Variants in CTNS observed in about 807,000 individuals in gnomAD.
CTNS encodes cystinosin, lysosomal cystine transporter.
A neutral mutation model predicts 43.7 loss-of-function variants in CTNS; 27 were observed. The ratio of observed to expected loss-of-function variants is 0.62; its 90% CI spans 0.46 to 0.85. CTNS has a LOEUF of 0.85. Among genes scored for constraint, CTNS ranks in the 40% least tolerant of loss-of-function variants. The pLI, the probability that CTNS is intolerant of heterozygous loss-of-function variation, is 0.00. For missense variants in CTNS, 457 were observed against 475.4 expected (o/e 0.96, Z 0.36); for synonymous variants, 187 against 190.6 (o/e 0.98, Z 0.16).
At chr17:3,657,871 T>G in intron 9 of CTNS, 134 bp from the exon 10 acceptor site, 5 of 940,764 alleles carry the variant, frequency 5.3e-6, no homozygotes, top group Non-Finnish European at 8.4e-6. Context: ...AGCCCCCACC[T>G]TGCAGGGGCT....
rs1368378943 is a variant in CTNS, at chr17:3,652,462, A to G, written c.226-2536A>G. 3.3e-5 allele frequency among the ~76,000 whole-genome samples: 5 copies of G among 151,894 alleles called. No homozygotes were observed. In the East Asian group the frequency reaches 7.7e-4, roughly 23 times the overall value. ...CAAAAATTAGCCAAGCGTGGTGGCA[A>G]GTACCTGTAATCCCAGCTACTTAGG... On this transcript the variant is annotated intron_variant, in intron 5 of 11. Coordinates refer to ENST00000046640, the MANE Select transcript of CTNS (RefSeq NM_004937.3).
chr17:3,658,061 C>G lies in CTNS; in HGVS notation c.738C>G (p.Leu246=), dbSNP rs2076197055. The G allele has an allele frequency of 1.9e-6, 3 of 1,612,162 alleles. No individual in the cohort carries two copies. The highest frequency in any genetic ancestry group is 2.2e-5 in the East Asian group (1 of 44,878). ...TCGGCTTCCTGGTGCTCGCGTGGCTCTTCGCATTTGTCACCATGATCGTGG... is the reference window on the plus strand; with the variant it reads ...TCGGCTTCCTGGTGCTCGCGTGGCTGTTCGCATTTGTCACCATGATCGTGG... The part of the protein sequence containing the change: ...PAIGFLVLAW[L]FAFVTMIVAA... Residue 246 remains leucine, a synonymous_variant, in exon 10 of 12, where the codon CTC becomes CTG. Transcript: ENST00000046640.
chr17:3,655,507 C>CGGCGGCGCAGG, intron 7 of CTNS, 155 bp downstream of exon 7: 1 of 1,154,260 alleles, frequency 8.7e-7, no homozygotes, highest in East Asian at 2.4e-5. Flanking sequence ...GCTCGGAGAG[C>CGGCGGCGCAGG]CTGGGTCGGA....
At chr17:3,655,428 C>T (rs554763287) in intron 7 of CTNS, 76 bp downstream of exon 7, 7 of 1,585,546 alleles carry the variant, frequency 4.4e-6, no homozygotes, top group East Asian at 2.2e-5. Context: ...CTGCCGATAG[C>T]GCAGCCTCCA....
At chr17:3,657,902 C>T in intron 9 of CTNS, 103 bp from the exon 10 acceptor site, 1 of 1,356,348 alleles carries the variant, frequency 7.4e-7, no homozygotes, top group Non-Finnish European at 1.0e-6. Flanking sequence ...CAGGGTCCAG[C>T]CTCCGTGCCC....
intron 5 of CTNS, among the ~76,000 whole-genome samples, chr17:3,652,940 CAAG>C (rs1225322035): frequency 6.6e-6 from 1 of 152,196 alleles, no homozygotes; most frequent in East Asian, 1.9e-4. Flanking sequence ...ATGCTAAGAA[CAAG>C]AAGGCAGTGC....
chr17:3,642,836 C>A (rs116860993), intron 3 of CTNS, among the ~76,000 whole-genome samples: 1 of 152,296 alleles, frequency 6.6e-6, no homozygotes, highest in East Asian at 1.9e-4. Context: ...GATTGGCCTT[C>A]AGACTTGTCT....
chr17:3,649,043 G>A, intron 5 of CTNS, 112 bp downstream of exon 5: 3 of 885,708 alleles, frequency 3.4e-6, no homozygotes, highest in Non-Finnish European at 5.6e-6. Flanking sequence ...CATCAACCTA[G>A]AAATCTGTGA....
In CTNS at chr17:3,640,272, G is replaced by C; in HGVS notation, c.61+5G>C. ...TGAAGCTCGTAGAGAAATGTGGTAA[G>C]TTTAGAAATGACACGTCAACTTTGT... On this transcript the variant is annotated splice_donor_5th_base_variant and intron_variant, in intron 3 of 11. Coordinates refer to ENST00000046640, the MANE Select transcript of CTNS (RefSeq NM_004937.3). 1 of 1,613,494 alleles carries C rather than the reference G, an allele frequency of 6.2e-7. No individual in the cohort carries two copies. The highest frequency in any genetic ancestry group is 8.5e-7 in the Non-Finnish European group (1 of 1,179,368).
intron 3 of CTNS, among the ~76,000 whole-genome samples, chr17:3,642,419 A>C (rs1246964860): frequency 6.6e-6 from 1 of 152,088 alleles, no homozygotes; most frequent in Non-Finnish European, 1.5e-5. Flanking sequence ...CAGGTGCTGT[A>C]GTTCACGCCT....
At chr17:3,655,997 C>A in intron 7 of CTNS, 1 of 312,122 alleles carries the variant, frequency 3.2e-6, no homozygotes, top group Non-Finnish European at 6.3e-6. Flanking sequence ...AGGGCCGAGT[C>A]CTCCTTCCCC....
At chr17:3,642,040 C>CGTGTGTGTGTGTGTGT (rs2075723439) in intron 3 of CTNS, among the ~76,000 whole-genome samples, 1 of 52,030 alleles carries the variant, frequency 1.9e-5, no homozygotes, top group Non-Finnish European at 5.5e-5. Context: ...TTTGCCTGGG[C>CGTGTGTGTGTGTGTGT]CTGTGTGTGT....
rs1180495360 is a variant in CTNS at position 3,662,508 on chromosome 17, T to C, written c.*2139T>C. Among the ~76,000 whole-genome samples the C allele has an allele frequency of 6.6e-6, 1 of 151,946 alleles. No individual in the cohort carries two copies. The highest frequency in any genetic ancestry group is 1.5e-5 in the Non-Finnish European group (1 of 67,954). ...CGCTGGGATACACGGAGTGCCCTTATAGGCAGGGAGTCTTATAGGCAGGGG... is the reference window on the plus strand; with the variant it reads ...CGCTGGGATACACGGAGTGCCCTTACAGGCAGGGAGTCTTATAGGCAGGGG... On this transcript the variant is annotated 3_prime_UTR_variant, in exon 12 of 12. Transcript: ENST00000046640.
chr17:3,660,891 C>G lies in CTNS; in HGVS notation c.*522C>G. The G allele has an allele frequency of 9.3e-7, 1 of 1,074,632 alleles. No individual in the cohort carries two copies. The highest frequency in any genetic ancestry group is 1.4e-6 in the Non-Finnish European group (1 of 730,768). The allele number at this position is 1,074,632 out of a possible 1,614,324, so 66.6% of individuals were successfully genotyped here. A position where few individuals can be genotyped will look rare whatever the true frequency, so the allele number is the denominator to read the frequency against. On this transcript the variant is annotated 3_prime_UTR_variant, in exon 12 of 12. Transcript: ENST00000046640. ...GGCTCTTTCTCTGAAGGCCACTTTC[C>G]TGACGTACTCTCTGTACATAACTCA...
At chr17:3,641,355 G>GATATATATATAT (rs1329463765) in intron 3 of CTNS, among the ~76,000 whole-genome samples, 1 of 64,022 alleles carries the variant, frequency 1.6e-5, no homozygotes, top group African/African-American at 8.1e-5. Context: ...ACAAAAATCA[G>GATATATATATAT]ATACATATAT....
intron 4 of CTNS, 54 bp from the exon 5 acceptor site, chr17:3,648,793 T>C (rs1163447292): frequency 7.1e-7 from 1 of 1,417,174 alleles, no homozygotes; most frequent in African/African-American, 1.4e-5. Context: ...AGAGGGTTGG[T>C]TGAGATCTCA....
At chr17:3,660,208 C>A in intron 11 of CTNS, 28 bp from the exon 12 acceptor site, 3 of 1,613,918 alleles carry the variant, frequency 1.9e-6, no homozygotes, top group Non-Finnish European at 2.5e-6. Flanking sequence ...CAACCTAACA[C>A]CAGCTTCTGT....
At chr17:3,660,211 G>C (rs1284608333) in intron 11 of CTNS, 25 bp from the exon 12 acceptor site, 1 of 1,613,988 alleles carries the variant, frequency 6.2e-7, no homozygotes, top group Non-Finnish European at 8.5e-7. Context: ...CCTAACACCA[G>C]CTTCTGTCCC....
intron 10 of CTNS, among the ~76,000 whole-genome samples, chr17:3,658,952 G>C (rs1436299804): frequency 6.6e-6 from 1 of 150,726 alleles, no homozygotes; most frequent in Non-Finnish European, 1.5e-5. Context: ...GGGAAGCTGG[G>C]GTCAGGTCCC....
Sources: gnomAD v4.1 joint callset for allele counts (sites outside exome capture counted in the v4.1 genomes callset) on GRCh38, gnomAD v4.1.1 for gene constraint, MANE v1.5 for transcripts, NCBI Gene and HGNC (gene_info 2026-07-23, HGNC 2026-07-21) for gene names.